The following PRKN variants were observed in gnomAD, a reference collection of about 807,000 sequenced individuals.
The protein encoded by PRKN is parkin RBR E3 ubiquitin protein ligase.
Under a neutral mutation model 59.5 loss-of-function variants are expected in PRKN, and 56 were observed. That is an observed-to-expected ratio of 0.94 (90% CI 0.76 to 1.18). The LOEUF is 1.18. Ranked by LOEUF, PRKN falls within the 50% of genes most tolerant of loss-of-function variation. The pLI is 0.00. For synonymous variants in PRKN, 250 were observed against 222.1 expected (o/e 1.13, Z -1.12); for missense variants, 657 against 596.4 (o/e 1.10, Z -1.06).
chr6:161,421,902 C>T (rs184096242), intron 9 of PRKN, among the ~76,000 whole-genome samples: 2 of 152,128 alleles, frequency 1.3e-5, no homozygotes, highest in Non-Finnish European at 2.9e-5. Context: ...AACAGAGTGG[C>T]TATGATAATG....
intron 4 of PRKN, among the ~76,000 whole-genome samples, chr6:162,104,852 G>T (rs900314348): frequency 5.3e-5 from 8 of 152,116 alleles, no homozygotes; most frequent in Non-Finnish European, 1.0e-4. Flanking sequence ...AATTCTAATA[G>T]GCATCCTTAA....
chr6:161,561,184 T>G lies in PRKN; in HGVS notation c.933+8171A>C, dbSNP rs915551747. ...AGGATAGTTACAAAAGCATAGGAGA[T>G]AGAAGTTTTCACATAGCAAGGGTAA... On this transcript the variant is annotated intron_variant, in intron 8 of 11. Coordinates refer to ENST00000366898, the MANE Select transcript of PRKN (RefSeq NM_004562.3). This position sits in a 1 kb window ranked among gnomAD's most constrained non-coding sequence, Gnocchi z 5.0. Among the ~76,000 whole-genome samples, 1 of 152,176 alleles carries G rather than the reference T, an allele frequency of 6.6e-6. No individual in the cohort carries two copies. The highest frequency in any genetic ancestry group is 2.4e-5 in the African/African-American group (1 of 41,440).
chr6:162,146,247 A>T (rs1207873703), intron 4 of PRKN, among the ~76,000 whole-genome samples: 1 of 152,046 alleles, frequency 6.6e-6, no homozygotes, highest in Non-Finnish European at 1.5e-5. Flanking sequence ...GCCCATGACG[A>T]TGTCATTGAA....
chr6:161,632,595 T>C (rs1320384831), intron 7 of PRKN, among the ~76,000 whole-genome samples: 1 of 152,220 alleles, frequency 6.6e-6, no homozygotes, highest in Non-Finnish European at 1.5e-5. Context: ...AAATATTCTA[T>C]AAACCATTGG....
At chr6:161,492,848 T>G (rs578021289) in intron 9 of PRKN, among the ~76,000 whole-genome samples, 1 of 152,282 alleles carries the variant, frequency 6.6e-6, no homozygotes, top group Admixed American at 6.5e-5. Context: ...TCCCAGTGGA[T>G]CTGAGTAGAG....
At chr6:161,680,772 TATA>T (rs1192038244) in intron 7 of PRKN, among the ~76,000 whole-genome samples, 312 of 21,072 alleles carry the variant, frequency 0.015, 3 homozygotes, top group Non-Finnish European at 0.026. Flanking sequence ...TATATATATA[TATA>T]TTTTTTTTTT....
At chr6:161,867,748 T>TATTTATTTATTTATTC (rs1794176220) in intron 6 of PRKN, among the ~76,000 whole-genome samples, 1 of 142,652 alleles carries the variant, frequency 7.0e-6, no homozygotes, top group African/African-American at 2.9e-5. Flanking sequence ...TTCATTTATT[T>TATTTATTTATTTATTC]ATTTATTTAT....
chr6:162,467,175 C>G (rs527768100), intron 1 of PRKN, among the ~76,000 whole-genome samples: 1 of 152,088 alleles, frequency 6.6e-6, no homozygotes, highest in Non-Finnish European at 1.5e-5. Flanking sequence ...ACACCCTAAC[C>G]TTTTTCCCTT....
chr6:162,292,779 T>A (rs1893558), intron 2 of PRKN, among the ~76,000 whole-genome samples: 83,466 of 151,868 alleles, frequency 0.55, 26,182 homozygotes, highest in East Asian at 0.82. Flanking sequence ...GGGAGGGGGA[T>A]ATAAAAACCC....
Position 161,356,426 on chromosome 6 carries a change from G to A in PRKN, c.1285+3662C>T, listed in dbSNP as rs1403187814. On this transcript the variant is annotated intron_variant, in intron 11 of 11. Coordinates refer to ENST00000366898, the MANE Select transcript of PRKN (RefSeq NM_004562.3). This position sits in a 1 kb window ranked among gnomAD's most constrained non-coding sequence, Gnocchi z 7.8. Reference sequence around the variant, plus strand: ...GGTTGCAATGTCAGTGGGGACCCCCGGGGGGAAGGGCAGGACTGACATGGC... The same window carrying A: ...GGTTGCAATGTCAGTGGGGACCCCCAGGGGGAAGGGCAGGACTGACATGGC... 6.6e-6 allele frequency among the ~76,000 whole-genome samples: 1 copy of A among 152,314 alleles called. No homozygotes were observed. Among genetic ancestry groups the A allele is most frequent in the East Asian group, 1.9e-4 (1 of 5,180 alleles).
chr6:161,436,682 TC>T (rs1267646564), intron 9 of PRKN, among the ~76,000 whole-genome samples: 1 of 152,042 alleles, frequency 6.6e-6, no homozygotes, highest in Non-Finnish European at 1.5e-5. Context: ...CCTCATCCCT[TC>T]CGGGGGATGA....
At chr6:162,441,159 C>A (rs1790029779) in intron 2 of PRKN, among the ~76,000 whole-genome samples, 1 of 152,064 alleles carries the variant, frequency 6.6e-6, no homozygotes, top group Non-Finnish European at 1.5e-5. Context: ...CATCAACTCC[C>A]ATCATGTTGG....
chr6:161,398,454 C>A (rs1391895097), intron 9 of PRKN, among the ~76,000 whole-genome samples: 2 of 152,112 alleles, frequency 1.3e-5, no homozygotes, highest in African/African-American at 4.8e-5. Context: ...AAGTACTAGA[C>A]CAGAATCTTT....
Position 161,487,805 on chromosome 6 carries a change from A to T in PRKN, c.1083+61049T>A, listed in dbSNP as rs7741225. On this transcript the variant is annotated intron_variant, in intron 9 of 11. Coordinates refer to ENST00000366898, the MANE Select transcript of PRKN (RefSeq NM_004562.3). This position sits in a 1 kb window ranked among gnomAD's most constrained non-coding sequence, Gnocchi z 5.3. ...TCCAGCATGAAGTCTGGCACTAGGA[A>T]TTTCCCATTAATGTTCAGTGAATGA... 3.1e-3 allele frequency among the ~76,000 whole-genome samples: 474 copies of T among 152,176 alleles called. 2 individuals are homozygous for T. The highest frequency in any genetic ancestry group is 0.011 in the African/African-American group (446 of 41,532).
chr6:162,675,383 G>A lies in PRKN; in HGVS notation c.7+52279C>T, dbSNP rs543068528. The stretch of plus-strand genomic sequence containing the variant: ...ATAGATTGAATTTGAGGTAGCTCTG[G>A]AAAACAAGGAGGTGATGATATTCAA... On this transcript the variant is annotated intron_variant, in intron 1 of 11. Transcript: ENST00000366898. 5.9e-5 allele frequency among the ~76,000 whole-genome samples: 9 copies of A among 152,174 alleles called. No homozygotes were observed. In the South Asian group the frequency reaches 1.7e-3, roughly 28 times the overall value.
rs546537464 is a variant in PRKN at position 161,426,644 on chromosome 6, T to TACACAC, written c.1084-39773_1084-39768dup. On this transcript the variant is annotated intron_variant, in intron 9 of 11. Transcript: ENST00000366898. The stretch of plus-strand genomic sequence containing the variant: ...TAATACTACTTAATAAACTCCCCTT[T>TACACAC]ACACACACACACACACACACACACA... 3.7e-3 allele frequency among the ~76,000 whole-genome samples: 116 copies of TACACAC among 31,048 alleles called. 1 individual carries two copies. Among genetic ancestry groups the TACACAC allele is most frequent in the Admixed American group, 0.012 (33 of 2,830 alleles). The allele number at this position is 31,048 out of a possible 152,430, so 20.4% of individuals were successfully genotyped here. A position where few individuals can be genotyped will look rare whatever the true frequency, so the allele number is the denominator to read the frequency against.
chr6:161,687,613 C>A (rs181941433), intron 7 of PRKN, among the ~76,000 whole-genome samples: 1 of 150,512 alleles, frequency 6.6e-6, no homozygotes, highest in Non-Finnish European at 1.5e-5. Context: ...CGAACCACCA[C>A]GCCCGGCTAA....
chr6:161,470,020 C>T lies in PRKN; in HGVS notation c.1083+78834G>A, dbSNP rs1023331741. On this transcript the variant is annotated intron_variant, in intron 9 of 11. Coordinates refer to ENST00000366898, the MANE Select transcript of PRKN (RefSeq NM_004562.3). The surrounding 1 kb of genome is among the most constrained non-coding windows in gnomAD (Gnocchi z 5.1). ...ACCGGGCATTGCTAGGCTGAACATC[C>T]AACATACATAGTTTCCTTCAATTCA... Among the ~76,000 whole-genome samples the T allele has an allele frequency of 6.6e-6, 1 of 152,108 alleles. No individual in the cohort carries two copies. Among genetic ancestry groups the T allele is most frequent in the Admixed American group, 6.5e-5 (1 of 15,276 alleles).
chr6:162,038,981 C>T (rs1282183080), intron 5 of PRKN, among the ~76,000 whole-genome samples: 2 of 152,000 alleles, frequency 1.3e-5, no homozygotes, highest in South Asian at 4.2e-4. Flanking sequence ...TGTGAAACCC[C>T]GTCTCTACTA....
Sources: gnomAD v4.1 joint callset for allele counts (sites outside exome capture counted in the v4.1 genomes callset) on GRCh38, gnomAD v4.1.1 for gene constraint, Gnocchi (gnomAD v3.1) non-coding constraint, MANE v1.5 for transcripts, NCBI Gene and HGNC (gene_info 2026-07-23, HGNC 2026-07-21) for gene names.